EXOC6: variants seen among roughly 807,000 people sequenced by gnomAD.
The protein encoded by EXOC6 is SEC15-like 1.
EXOC6 carries 60 observed loss-of-function variants against 112.5 expected under a neutral mutation model. The observed-to-expected ratio is 0.53, with a 90% CI of 0.43 to 0.66. EXOC6 has a LOEUF of 0.66. Ranked by LOEUF, EXOC6 falls within the 30% of genes least tolerant of loss-of-function variation. The pLI, the probability that EXOC6 is intolerant of heterozygous loss-of-function variation, is 0.00. For missense variants in EXOC6, 855 were observed against 957.1 expected, an observed-to-expected ratio of 0.89 and a Z score of 1.41; for synonymous variants, 295 against 308.0, an observed-to-expected ratio of 0.96 and a Z score of 0.44.
chr10:92,954,758 C>A lies in EXOC6; in HGVS notation c.1638+17C>A. The A allele has an allele frequency of 1.9e-6, 2 of 1,080,710 alleles. No individual in the cohort carries two copies. The highest frequency in any genetic ancestry group is 2.8e-6 in the Non-Finnish European group (2 of 712,572). The allele number at this position is 1,080,710 out of a possible 1,614,324, so 66.9% of individuals were successfully genotyped here. A position where few individuals can be genotyped will look rare whatever the true frequency, so the allele number is the denominator to read the frequency against. ...TTGACAGAGGTAGGTTAAAAAGACA[C>A]ATATAGTGAAATGTTTCATTGTATG... On this transcript the variant is annotated intron_variant, in intron 16 of 21. Coordinates refer to ENST00000260762, the MANE Select transcript of EXOC6 (RefSeq NM_019053.6).
intron 1 of EXOC6, among the ~76,000 whole-genome samples, chr10:92,838,528 A>G (rs1477445633): frequency 6.6e-6 from 1 of 152,212 alleles, no homozygotes; most frequent in East Asian, 1.9e-4. Flanking sequence ...TGAAGGAAAG[A>G]TAGTTTCAGG....
chr10:93,023,912 G>T (rs1342837130), intron 20 of EXOC6, among the ~76,000 whole-genome samples: 2 of 135,900 alleles, frequency 1.5e-5, no homozygotes, highest in South Asian at 2.8e-4. Flanking sequence ...GGGAAATGAG[G>T]TGTCACATAT....
intron 19 of EXOC6, among the ~76,000 whole-genome samples, chr10:92,998,628 CCACACACACACACACACACACA>C (rs55823754): frequency 7.1e-6 from 1 of 141,346 alleles, no homozygotes; most frequent in Admixed American, 7.2e-5. Flanking sequence ...CTGTTGCACA[CCACACACACACACACACACACA>C]CACACACACA....
chr10:93,018,202 A>G (rs2094692914), intron 20 of EXOC6, among the ~76,000 whole-genome samples: 1 of 152,086 alleles, frequency 6.6e-6, no homozygotes, highest in African/African-American at 2.4e-5. Flanking sequence ...CAGTTATAAA[A>G]AAAAGGGAGG....
chr10:92,894,884 T>C (rs757857351), intron 3 of EXOC6, 43 bp downstream of exon 3: 1 of 1,608,596 alleles, frequency 6.2e-7, no homozygotes. Context: ...ATGTAGTTGT[T>C]CTTTAACTGT....
chr10:92,980,999 C>A (rs1842806197), intron 18 of EXOC6, among the ~76,000 whole-genome samples: 1 of 152,088 alleles, frequency 6.6e-6, no homozygotes, highest in African/African-American at 2.4e-5. Context: ...TGCACTCCAG[C>A]CTGGGCGACA....
rs200578123 is a variant in EXOC6 at position 92,968,981 on chromosome 10, TA to T, written c.1774-5069del. On this transcript the variant is annotated intron_variant, in intron 17 of 21. Coordinates refer to ENST00000260762, the MANE Select transcript of EXOC6 (RefSeq NM_019053.6). ...TCATTATTAGCAGGAATGGATTTTT[TA>T]AATGGCTACAAATTCCTTGACACTT... Among the ~76,000 whole-genome samples, 89 of 152,296 alleles carry T rather than the reference TA, an allele frequency of 5.8e-4. No homozygotes were observed. The East Asian group carries it at 0.016, about 28-fold the overall frequency.
rs760571074 is a variant in EXOC6, at chr10:92,894,853, A to G, written c.321+12A>G. ...ATGCTGGAAAAGAGGTGAGAAAATG[A>G]TACTTTTCTGGGTATTCAGTATGTA... On this transcript the variant is annotated intron_variant, in intron 3 of 21. Coordinates refer to ENST00000260762, the MANE Select transcript of EXOC6 (RefSeq NM_019053.6). The G allele has an allele frequency of 7.4e-6, 12 of 1,613,214 alleles. No individual in the cohort carries two copies. The highest frequency in any genetic ancestry group is 1.6e-4 in the Middle Eastern group (1 of 6,072).
chr10:92,895,074 A>G (rs1849682758), intron 4 of EXOC6, 54 bp downstream of exon 4: 1 of 1,036,758 alleles, frequency 9.6e-7, no homozygotes, highest in African/African-American at 1.6e-5. Context: ...TTGTAATTTA[A>G]TAATAGCAAG....
At chr10:92,859,169 G>A (rs999364529) in intron 1 of EXOC6, among the ~76,000 whole-genome samples, 1 of 152,070 alleles carries the variant, frequency 6.6e-6, no homozygotes, top group South Asian at 2.1e-4. Flanking sequence ...TTTAGATAAC[G>A]TAGCAACTCT....
At chr10:92,942,703 A>G (rs959882492) in intron 13 of EXOC6, among the ~76,000 whole-genome samples, 11 of 152,284 alleles carry the variant, frequency 7.2e-5, no homozygotes, top group Admixed American at 2.6e-4. Flanking sequence ...AATCTTATAG[A>G]CTTGATGTTA....
intron 20 of EXOC6, among the ~76,000 whole-genome samples, chr10:93,050,740 A>G (rs2134370778): frequency 1.8e-5 from 2 of 109,708 alleles, no homozygotes; most frequent in South Asian, 6.6e-4. Flanking sequence ...AACCTGGGCA[A>G]CAAAGCGAGA....
upstream of EXOC6, among the ~76,000 whole-genome samples, chr10:92,830,673 G>A (rs368163128): frequency 6.6e-6 from 1 of 152,114 alleles, no homozygotes; most frequent in African/African-American, 2.4e-5. Flanking sequence ...CACCTCCCAC[G>A]GTGACAATCA....
intron 17 of EXOC6, among the ~76,000 whole-genome samples, chr10:92,961,855 C>T (rs1854021784): frequency 1.3e-5 from 2 of 152,076 alleles, no homozygotes; most frequent in Non-Finnish European, 2.9e-5. Context: ...TGATGACAAA[C>T]AACCACTTAA....
chr10:92,846,339 TAGGAAACTG>T (rs1358198144), upstream of EXOC6, among the ~76,000 whole-genome samples: 3 of 152,166 alleles, frequency 2.0e-5, no homozygotes, highest in African/African-American at 7.2e-5. Context: ...ATTGGTCAAA[TAGGAAACTG>T]GCCTGTGCCA....
At chr10:92,831,299 C>T (rs529625655), upstream of EXOC6, 85 of 1,288,214 alleles carry the variant, frequency 6.6e-5, no homozygotes, top group African/African-American at 1.0e-3. Flanking sequence ...CAGGCTGAGC[C>T]GGCTGTACCG....
intron 17 of EXOC6, among the ~76,000 whole-genome samples, chr10:92,965,431 CAAAG>C (rs1842006600): frequency 6.6e-6 from 1 of 152,052 alleles, no homozygotes; most frequent in African/African-American, 2.4e-5. Context: ...CCTTAACAAA[CAAAG>C]GAAGAATTAC....
At chr10:92,859,821 ATGTGTGTGTGTGTGTGTG>A in intron 1 of EXOC6, among the ~76,000 whole-genome samples, 1 of 141,700 alleles carries the variant, frequency 7.1e-6, no homozygotes, top group Admixed American at 7.2e-5. Flanking sequence ...GTTTGTGTGC[ATGTGTGTGTGTGTGTGTG>A]TGTGTGTGTG....
intron 18 of EXOC6, among the ~76,000 whole-genome samples, chr10:92,994,355 A>T (rs1252710471): frequency 2.0e-5 from 3 of 152,210 alleles, no homozygotes; most frequent in African/African-American, 7.2e-5. Context: ...AAAGGATCTA[A>T]TATGTCAGCA....
Sources: allele counts gnomAD v4.1 joint callset (sites outside exome capture counted in the v4.1 genomes callset), GRCh38; gene constraint gnomAD v4.1.1; transcripts MANE v1.5; gene names NCBI Gene and HGNC (gene_info 2026-07-23, HGNC 2026-07-21).